The following STOX2 variants were observed in gnomAD, a reference collection of about 807,000 sequenced individuals.
STOX2 encodes storkhead-box protein 2.
Under a neutral mutation model 60.9 loss-of-function variants are expected in STOX2, and 28 were observed. The ratio of observed to expected loss-of-function variants is 0.46; its 90% CI spans 0.34 to 0.63. STOX2 has a LOEUF of 0.63. Ranked by LOEUF, STOX2 falls within the 30% of genes least tolerant of loss-of-function variation. STOX2 has a pLI of 0.01. For synonymous variants in STOX2, 472 were observed against 463.9 expected, an observed-to-expected ratio of 1.02 and a Z score of -0.22; for missense variants, 1,024 against 1,187.7, an observed-to-expected ratio of 0.86 and a Z score of 2.03.
At chr4:183,898,799 A>T (rs1209027758) in intron 1 of STOX2, among the ~76,000 whole-genome samples, 1 of 152,202 alleles carries the variant, frequency 6.6e-6, no homozygotes, top group African/African-American at 2.4e-5. Context: ...ACCAAATTCA[A>T]CGTCCTGAGT....
intron 1 of STOX2, among the ~76,000 whole-genome samples, chr4:183,871,608 C>T (rs1450969702): frequency 6.6e-6 from 1 of 152,162 alleles, no homozygotes; most frequent in African/African-American, 2.4e-5. Flanking sequence ...GCGGCCAACT[C>T]ACTGCTCACT....
intron 1 of STOX2, among the ~76,000 whole-genome samples, chr4:183,813,018 C>T (rs1251018220): frequency 2.6e-5 from 4 of 152,272 alleles, no homozygotes; most frequent in South Asian, 2.1e-4. Context: ...GTCAGCCCTC[C>T]GTGTCTGTGG....
chr4:183,874,486 C>T (rs1212385929), intron 1 of STOX2, among the ~76,000 whole-genome samples: 4 of 152,162 alleles, frequency 2.6e-5, no homozygotes, highest in Non-Finnish European at 5.9e-5. Flanking sequence ...CTCAGAGTCT[C>T]AGGAGGACTG....
At chr4:183,945,603 G>A (rs148104228) in intron 1 of STOX2, among the ~76,000 whole-genome samples, 70 of 152,256 alleles carry the variant, frequency 4.6e-4, no homozygotes, top group African/African-American at 1.5e-3. Flanking sequence ...GCAGTTCTAC[G>A]CAGAAAAAGA....
chr4:183,893,264 C>T (rs1042886036), intron 1 of STOX2, among the ~76,000 whole-genome samples: 3 of 152,186 alleles, frequency 2.0e-5, no homozygotes, highest in African/African-American at 7.2e-5. Flanking sequence ...GCGGCAGTTC[C>T]CTGGCGGTAC....
intron 1 of STOX2, among the ~76,000 whole-genome samples, chr4:183,910,845 G>A (rs1741756622): frequency 6.6e-6 from 1 of 152,210 alleles, no homozygotes; most frequent in Non-Finnish European, 1.5e-5. Flanking sequence ...AGAATGGCCA[G>A]CTCATCACCT....
rs1171715361 is a variant in STOX2, at chr4:184,021,889, C to T, written c.*4605C>T. The T allele has an allele frequency of 6.6e-6, 1 of 152,370 alleles. No individual in the cohort carries two copies. Among genetic ancestry groups the T allele is most frequent in the Non-Finnish European group, 1.5e-5 (1 of 68,218 alleles). 9.4% of individuals were successfully genotyped at this position (152,370 alleles called of 1,614,324 possible). A position where few individuals can be genotyped will look rare whatever the true frequency, so the allele number is the denominator to read the frequency against. Reference sequence around the variant, plus strand: ...ACAGAACCAACTAGCCACGTGCTGCCAGACCTCAGTGGGCCCAAGCAGGAG... The same window carrying T: ...ACAGAACCAACTAGCCACGTGCTGCTAGACCTCAGTGGGCCCAAGCAGGAG... On this transcript the variant is annotated 3_prime_UTR_variant, in exon 4 of 4. Coordinates refer to ENST00000308497, the MANE Select transcript of STOX2 (RefSeq NM_020225.3).
intron 1 of STOX2, among the ~76,000 whole-genome samples, chr4:183,950,544 A>T (rs1261045109): frequency 2.6e-5 from 4 of 152,174 alleles, no homozygotes; most frequent in Admixed American, 2.6e-4. Context: ...GAAAGAAGAG[A>T]CAGTGCCCCA....
chr4:183,987,143 G>A (rs1211194118), intron 1 of STOX2, among the ~76,000 whole-genome samples: 1 of 152,134 alleles, frequency 6.6e-6, no homozygotes. Flanking sequence ...GGGAGAGTTC[G>A]GCAGTACCAC....
At chr4:183,832,883 A>G (rs1040268791) in intron 1 of STOX2, among the ~76,000 whole-genome samples, 4 of 152,216 alleles carry the variant, frequency 2.6e-5, no homozygotes, top group Non-Finnish European at 5.9e-5. Context: ...CAATCCCTTC[A>G]TGTATATTTA....
intron 1 of STOX2, among the ~76,000 whole-genome samples, chr4:183,949,436 A>G (rs941965668): frequency 6.6e-6 from 1 of 152,156 alleles, no homozygotes; most frequent in Non-Finnish European, 1.5e-5. Flanking sequence ...GTGGTGGCTC[A>G]TGCCTGTAAT....
intron 1 of STOX2, among the ~76,000 whole-genome samples, chr4:183,845,785 A>G (rs1362301630): frequency 6.6e-6 from 1 of 152,240 alleles, no homozygotes; most frequent in African/African-American, 2.4e-5. Context: ...CCATTGACAT[A>G]GATTTGTAAC....
At chr4:183,798,168 C>T (rs1316633312) in intron 1 of STOX2, 4 of 1,033,084 alleles carry the variant, frequency 3.9e-6, no homozygotes, top group Admixed American at 9.0e-5. Flanking sequence ...CGCCGAGGCT[C>T]CCCTGGGTGC....
intron 1 of STOX2, among the ~76,000 whole-genome samples, chr4:183,943,613 A>G (rs909953249): frequency 1.3e-5 from 2 of 152,218 alleles, no homozygotes; most frequent in Non-Finnish European, 2.9e-5. Flanking sequence ...ATCATTCTTG[A>G]GTTTTATGAT....
chr4:183,804,680 A>G (rs1012139659), intron 1 of STOX2, among the ~76,000 whole-genome samples: 3 of 152,254 alleles, frequency 2.0e-5, no homozygotes, highest in Non-Finnish European at 4.4e-5. Context: ...ACAGTGAACA[A>G]GGATGCATTT....
At chr4:183,925,169 C>G (rs1393739440) in intron 1 of STOX2, among the ~76,000 whole-genome samples, 1 of 151,986 alleles carries the variant, frequency 6.6e-6, no homozygotes, top group Non-Finnish European at 1.5e-5. Flanking sequence ...GGGGTTTGTT[C>G]CTAGTGAAAC....
At chr4:183,898,341 G>C (rs1440334719) in intron 1 of STOX2, among the ~76,000 whole-genome samples, 2 of 152,120 alleles carry the variant, frequency 1.3e-5, no homozygotes, top group Non-Finnish European at 2.9e-5. Flanking sequence ...ACTGGACAGT[G>C]GGACTCCCAT....
intron 1 of STOX2, among the ~76,000 whole-genome samples, chr4:183,969,767 G>A (rs1579485086): frequency 6.6e-6 from 1 of 152,152 alleles, no homozygotes; most frequent in Admixed American, 6.5e-5. Flanking sequence ...CTCCAGGCAC[G>A]CACCACCACG....
At chr4:183,940,982 T>G (rs1742738770) in intron 1 of STOX2, among the ~76,000 whole-genome samples, 2 of 152,368 alleles carry the variant, frequency 1.3e-5, no homozygotes, top group South Asian at 4.1e-4. Flanking sequence ...AAGCTTGCTG[T>G]AACATGTGGT....
Sources: gnomAD v4.1 joint callset for allele counts (sites outside exome capture counted in the v4.1 genomes callset) on GRCh38, gnomAD v4.1.1 for gene constraint, MANE v1.5 for transcripts, NCBI Gene and HGNC (gene_info 2026-07-23, HGNC 2026-07-21) for gene names.